PLEKHG2: variants seen among roughly 807,000 people sequenced by gnomAD.
PLEKHG2 encodes pleckstrin homology and RhoGEF domain containing G2.
Under a neutral mutation model 104.4 loss-of-function variants are expected in PLEKHG2, and 71 were observed. The ratio of observed to expected loss-of-function variants is 0.68; its 90% CI spans 0.56 to 0.83. PLEKHG2 has a LOEUF of 0.83. Ranked by LOEUF, PLEKHG2 falls within the 40% of genes least tolerant of loss-of-function variation. The pLI, the probability that PLEKHG2 is intolerant of heterozygous loss-of-function variation, is 0.00. For missense variants in PLEKHG2, 1,730 were observed against 1,809.4 expected, an observed-to-expected ratio of 0.96 and a Z score of 0.80; for synonymous variants, 728 against 737.0, an observed-to-expected ratio of 0.99 and a Z score of 0.20.
chr19:39,422,256 C>T lies in PLEKHG2; in HGVS notation c.1645C>T (p.Leu549=). 6.2e-7 allele frequency: 1 copy of T among 1,613,498 alleles called. No homozygotes were observed. Among genetic ancestry groups the T allele is most frequent in the South Asian group, 1.1e-5 (1 of 90,876 alleles). The change falls in exon 17 of 19, where the codon CTG becomes TTG. Residue 549 remains leucine (L), a synonymous_variant. Coordinates refer to ENST00000425673, the MANE Select transcript of PLEKHG2 (RefSeq NM_022835.3). ...GTSITEEILE[L]LNQRGLRDPG... ...CTCAATCACTGAAGAAATCCTGGAA[C>T]TGCTGAATCAGCGAGGCCTTCGAGA...
Position 39,424,678 on chromosome 19 carries a change from C to T in PLEKHG2, c.3545C>T (p.Pro1182Leu), listed in dbSNP as rs765489871. Residue 1182 changes from proline (P) to leucine (L), a missense_variant, in exon 19 of 19, where the codon CCG (proline) becomes CTG (leucine). Physicochemically the swap from Pro to Leu is moderately conservative, Grantham distance 98. Coordinates refer to ENST00000425673, the MANE Select transcript of PLEKHG2 (RefSeq NM_022835.3). ...IQGPAAAPPL[P>L]EPSLTDTQVQ... The stretch of plus-strand genomic sequence containing the variant: ...GGTCCAGCGGCTGCACCTCCACTTC[C>T]GGAGCCAAGCCTTACAGATACACAG... 61 of 1,614,070 alleles carry T rather than the reference C, an allele frequency of 3.8e-5. No individual in the cohort carries two copies. Among genetic ancestry groups the T allele is most frequent in the East Asian group, 1.8e-4 (8 of 44,898 alleles).
chr19:39,417,657 A>C lies in PLEKHG2; in HGVS notation c.847A>C (p.Met283Leu), dbSNP rs1238809160. The C allele has an allele frequency of 6.2e-7, 1 of 1,604,918 alleles. No homozygotes were observed. The highest frequency in any genetic ancestry group is 1.3e-5 in the African/African-American group (1 of 74,256). The change falls in exon 8 of 19, where the codon ATG becomes CTG. Residue 283 changes from methionine (M) to leucine (L), a missense_variant. Physicochemically the swap from Met to Leu is conservative, Grantham distance 15. Transcript: ENST00000425673. ...MTAVAWYINDMKRKQEHAARL... is the reference protein window; with the variant it reads ...MTAVAWYINDLKRKQEHAARL... ...AGCGGTTGCCTGGTACATCAACGAC[A>C]TGAAGCGCAAGCAGGAGCATGCAGC... is the stretch of plus-strand genomic sequence containing the variant.
At chr19:39,420,917 C>T (rs765405007) in intron 13 of PLEKHG2, 32 bp from the exon 14 acceptor site, 2 of 1,614,074 alleles carry the variant, frequency 1.2e-6, no homozygotes, top group South Asian at 1.1e-5. Flanking sequence ...GGGAGCTGGG[C>T]TCACACAGGG....
In PLEKHG2 at chr19:39,424,390, A is replaced by G. The variant is rs775055611; in HGVS notation, c.3257A>G (p.Asp1086Gly). 4.3e-6 allele frequency: 7 copies of G among 1,614,014 alleles called. No individual in the cohort carries two copies. Among genetic ancestry groups the G allele is most frequent in the Non-Finnish European group, 5.1e-6 (6 of 1,179,976 alleles). ...QPLSWHGSSL[D>G]PQGPGDTLPP... ...TTGTCTTGGCATGGAAGCAGCCTGG[A>G]TCCCCAGGGCCCAGGCGACACCCTA... is the stretch of plus-strand genomic sequence containing the variant. The change falls in exon 19 of 19, where the codon GAT (aspartate) becomes GGT (glycine). Residue 1086 changes from aspartate to glycine, a missense_variant. By Grantham distance (94) the Asp-to-Gly change is moderately conservative. Coordinates refer to ENST00000425673, the MANE Select transcript of PLEKHG2 (RefSeq NM_022835.3).
rs1252090970 is a variant in PLEKHG2, at chr19:39,425,173, G to T, written c.4040G>T (p.Gly1347Val). The T allele has an allele frequency of 7.5e-6, 12 of 1,602,428 alleles. No individual in the cohort carries two copies. Among genetic ancestry groups the T allele is most frequent in the Non-Finnish European group, 1.0e-5 (12 of 1,176,120 alleles). The change falls in exon 19 of 19, where the codon GGG becomes GTG. Residue 1347 changes from glycine to valine, a missense_variant. By Grantham distance (109) the Gly-to-Val change is moderately radical. Transcript: ENST00000425673. ...TTVNIHVGGG[G>V]RLRPAKAQVR... ...GTTAACATCCACGTGGGCGGGGGTG[G>T]GCGGCTGCGGCCAGCCAAGGCCCAG... is the stretch of plus-strand genomic sequence containing the variant.
At position 39,416,352 on chromosome 19, in the gene PLEKHG2, C is replaced by G. The variant is rs766767026; in HGVS notation, c.484C>G (p.Leu162Val). 2 of 1,612,904 alleles carry G rather than the reference C, an allele frequency of 1.2e-6. No individual in the cohort carries two copies. Among genetic ancestry groups the G allele is most frequent in the East Asian group, 2.2e-5 (1 of 44,874 alleles). ...ACCCTCCCCTCTCCCCTGTAGCGAG[C>G]TCCTGGAGGACTTGGAGAACAGCAG... ...IEDIYEFSSE[L>V]LEDLENSSSA... is the part of the protein sequence containing the mutation. Residue 162 changes from leucine (L) to valine (V), a missense_variant, in exon 5 of 19, where the codon CTC (leucine) becomes GTC (valine). Transcript: ENST00000425673. The surrounding 1 kb of genome is among the most constrained non-coding windows in gnomAD (Gnocchi z 4.5).
intron 11 of PLEKHG2, among the ~76,000 whole-genome samples, chr19:39,419,357 G>C (rs1201922072): frequency 2.0e-5 from 3 of 152,196 alleles, no homozygotes; most frequent in African/African-American, 4.8e-5. Flanking sequence ...AGCACTTCGA[G>C]GGGGTGATGT....
In PLEKHG2 at chr19:39,423,725, G is replaced by A. The variant is rs770226947; in HGVS notation, c.2600-8G>A. 35 of 1,603,332 alleles carry A rather than the reference G, an allele frequency of 2.2e-5. No homozygotes were observed. The highest frequency in any genetic ancestry group is 2.0e-4 in the East Asian group (9 of 44,708). Reference sequence around the variant, plus strand: ...GTGGTCCTGACTCGATCCTCTTTTCGCATTCAGGGCTCCTGCCTGCCTTTG... The same window carrying A: ...GTGGTCCTGACTCGATCCTCTTTTCACATTCAGGGCTCCTGCCTGCCTTTG... On this transcript the variant is annotated splice_region_variant and splice_polypyrimidine_tract_variant and intron_variant, in intron 18 of 18. Transcript: ENST00000425673.
rs1461340824 is a variant in PLEKHG2, at chr19:39,415,018, C to T, written c.136C>T (p.Pro46Ser). The part of the protein sequence containing the change: ...TAPAAPTMAS[P>S]RGSGSSTSLS... ...TCCTGCAGCCCCCACCATGGCCTCC[C>T]CCCGAGGTTCTGGGAGCTCCACATC... Residue 46 changes from proline (P) to serine (S), a missense_variant, in exon 3 of 19, where the codon CCC becomes TCC. Coordinates refer to ENST00000425673, the MANE Select transcript of PLEKHG2 (RefSeq NM_022835.3). This position sits in a 1 kb window ranked among gnomAD's most constrained non-coding sequence, Gnocchi z 4.6. 1 of 1,597,924 alleles carries T rather than the reference C, an allele frequency of 6.3e-7. No individual in the cohort carries two copies. The highest frequency in any genetic ancestry group is 1.1e-5 in the South Asian group (1 of 89,202).
rs1196583746 is a variant in PLEKHG2 at position 39,424,425 on chromosome 19, C to T, written c.3292C>T (p.Pro1098Ser). The T allele has an allele frequency of 1.9e-6, 3 of 1,614,016 alleles. No individual in the cohort carries two copies. The highest frequency in any genetic ancestry group is 1.7e-5 in the Admixed American group (1 of 59,996). ...CCCAGGCGACACCCTACCACCCTTG[C>T]CATGTCACCTCCCAGACCTTCAGAT... is the stretch of plus-strand genomic sequence containing the variant. ...QGPGDTLPPL[P>S]CHLPDLQIPG... The change falls in exon 19 of 19, where the codon CCA becomes TCA. Residue 1098 changes from proline (P) to serine (S), a missense_variant. By Grantham distance (74) the Pro-to-Ser change is moderately conservative. Coordinates refer to ENST00000425673, the MANE Select transcript of PLEKHG2 (RefSeq NM_022835.3).
chr19:39,421,494 T>C (rs1356478360), intron 16 of PLEKHG2, among the ~76,000 whole-genome samples, 195 bp downstream of exon 16: 2 of 152,034 alleles, frequency 1.3e-5, no homozygotes, highest in East Asian at 3.9e-4. Context: ...GAGACCAGTC[T>C]GGGCAACATG....
At chr19:39,418,850 T>C (rs2078651794) in intron 10 of PLEKHG2, 24 bp downstream of exon 10, 1 of 1,599,316 alleles carries the variant, frequency 6.3e-7, no homozygotes, top group African/African-American at 1.3e-5. Flanking sequence ...GGGATCAGGC[T>C]GGCAGGGATC....
Position 39,413,750 on chromosome 19 carries a change from C to T in PLEKHG2, c.-22-315C>T. 1 of 177,906 alleles carries T rather than the reference C, an allele frequency of 5.6e-6. No individual in the cohort carries two copies. The highest frequency in any genetic ancestry group is 1.0e-4 in the South Asian group (1 of 9,682). The allele number at this position is 177,906 out of a possible 1,614,324, so 11.0% of individuals were successfully genotyped here. A position where few individuals can be genotyped will look rare whatever the true frequency, so the allele number is the denominator to read the frequency against. ...CCGCCCACGGCTTTTCCCAGCCCTGCCCCTCGCCCTCCGCTCCAGCTGGAG... is the reference window on the plus strand; with the variant it reads ...CCGCCCACGGCTTTTCCCAGCCCTGTCCCTCGCCCTCCGCTCCAGCTGGAG... On this transcript the variant is annotated intron_variant, in intron 1 of 18. Coordinates refer to ENST00000425673, the MANE Select transcript of PLEKHG2 (RefSeq NM_022835.3). The surrounding 1 kb of genome is among the most constrained non-coding windows in gnomAD (Gnocchi z 4.5).
chr19:39,422,966 G>A lies in PLEKHG2; in HGVS notation c.1912G>A (p.Val638Met), dbSNP rs752567812. The A allele has an allele frequency of 3.7e-6, 6 of 1,614,022 alleles. No individual in the cohort carries two copies. The highest frequency in any genetic ancestry group is 3.3e-5 in the South Asian group (3 of 91,084). ...SIPCLTKIPDVPNLPEIPSRC... is the reference protein window; with the variant it reads ...SIPCLTKIPDMPNLPEIPSRC... ...TCCCTGCCTTACCAAAATTCCTGAC[G>A]TGCCCAACCTTCCTGAAATTCCCAG... is the stretch of plus-strand genomic sequence containing the variant. Residue 638 changes from valine to methionine, a missense_variant, in exon 18 of 19, where the codon GTG becomes ATG. Coordinates refer to ENST00000425673, the MANE Select transcript of PLEKHG2 (RefSeq NM_022835.3).
Position 39,422,337 on chromosome 19 carries a change from A to G in PLEKHG2, c.1677+49A>G, listed in dbSNP as rs1379876381. The G allele has an allele frequency of 1.9e-6, 3 of 1,575,872 alleles. No individual in the cohort carries two copies. The South Asian group carries it at 3.5e-5, about 18-fold the overall frequency. Reference sequence around the variant, plus strand: ...TGTCCTTGGGCCTCTGGGTGTGGGCACACAGACCAGGGACCAGATAGGCCA... The same window carrying G: ...TGTCCTTGGGCCTCTGGGTGTGGGCGCACAGACCAGGGACCAGATAGGCCA... On this transcript the variant is annotated intron_variant, in intron 17 of 18. Coordinates refer to ENST00000425673, the MANE Select transcript of PLEKHG2 (RefSeq NM_022835.3).
chr19:39,423,762 G>T lies in PLEKHG2; in HGVS notation c.2629G>T (p.Val877Leu), dbSNP rs569786837. ...CCTGCCTGCCTTTGGACACGTGCTG[G>T]TATGTGAGCTGGCCTTCCCACTGAC... ...GLLPAFGHVL[V>L]CELAFPLTCA... The change falls in exon 19 of 19, where the codon GTA (valine) becomes TTA (leucine). Residue 877 changes from valine to leucine, a missense_variant. By Grantham distance (32) the Val-to-Leu change is conservative. Coordinates refer to ENST00000425673, the MANE Select transcript of PLEKHG2 (RefSeq NM_022835.3). 1 of 1,613,570 alleles carries T rather than the reference G, an allele frequency of 6.2e-7. No individual in the cohort carries two copies. Among genetic ancestry groups the T allele is most frequent in the South Asian group, 1.1e-5 (1 of 91,054 alleles).
chr19:39,419,012 C>T lies in PLEKHG2; in HGVS notation c.1263+9C>T. The T allele has an allele frequency of 6.2e-7, 1 of 1,604,442 alleles. No homozygotes were observed. Among genetic ancestry groups the T allele is most frequent in the Non-Finnish European group, 8.5e-7 (1 of 1,177,296 alleles). Reference sequence around the variant, plus strand: ...CCTCCATCCCTGCCAAGGTACAGCTCCTGCCGCAGCCGGGGGCCCTCTGAG... The same window carrying T: ...CCTCCATCCCTGCCAAGGTACAGCTTCTGCCGCAGCCGGGGGCCCTCTGAG... On this transcript the variant is annotated intron_variant, in intron 11 of 18. Coordinates refer to ENST00000425673, the MANE Select transcript of PLEKHG2 (RefSeq NM_022835.3).
rs1383187311 is a variant in PLEKHG2 at position 39,424,161 on chromosome 19, C to T, written c.3028C>T (p.His1010Tyr). Residue 1010 changes from histidine (H) to tyrosine (Y), a missense_variant, in exon 19 of 19, where the codon CAC (histidine) becomes TAC (tyrosine). His to Tyr is a moderately conservative substitution (Grantham distance 83, BLOSUM62 2). Transcript: ENST00000425673. ...PSTAFCPEQG[H>Y]CADIHVPTTP... ...CACCGCCTTTTGTCCTGAGCAGGGACACTGTGCGGACATCCACGTTCCCAC... is the reference window on the plus strand; with the variant it reads ...CACCGCCTTTTGTCCTGAGCAGGGATACTGTGCGGACATCCACGTTCCCAC... 25 of 1,614,054 alleles carry T rather than the reference C, an allele frequency of 1.5e-5. No individual in the cohort carries two copies. The highest frequency in any genetic ancestry group is 1.9e-5 in the Non-Finnish European group (23 of 1,180,040).
chr19:39,421,693 A>C, intron 16 of PLEKHG2: 1 of 214,762 alleles, frequency 4.7e-6, no homozygotes, highest in Non-Finnish European at 9.3e-6. Flanking sequence ...TCTCAAATAA[A>C]TAAATAAAAA....
Sources: allele counts gnomAD v4.1 joint callset (sites outside exome capture counted in the v4.1 genomes callset), GRCh38; gene constraint gnomAD v4.1.1; non-coding constraint Gnocchi (gnomAD v3.1); transcripts MANE v1.5; gene names NCBI Gene and HGNC (gene_info 2026-07-23, HGNC 2026-07-21).